MOCOS: variants seen among roughly 807,000 people sequenced by gnomAD.
The protein encoded by MOCOS is molybdenum cofactor sulfurase, also known as human molybdenum cofactor sulfurase.
A neutral mutation model predicts 83.6 loss-of-function variants in MOCOS; 86 were observed. The ratio of observed to expected loss-of-function variants is 1.03; its 90% confidence interval spans 0.86 to 1.23. The LOEUF (loss-of-function observed/expected upper bound fraction) is 1.23, where lower values mean the gene tolerates loss of function less well. MOCOS is among the 50% of genes most tolerant of loss of function. The pLI, the probability that MOCOS is intolerant of heterozygous loss-of-function variation, is 0.00. For missense variants in MOCOS, 1,120 were observed against 1,126.9 expected, an observed-to-expected ratio of 0.99 and a Z score of 0.09; for synonymous variants, 445 against 434.7, an observed-to-expected ratio of 1.02 and a Z score of -0.29.
Position 36,268,943 on chromosome 18 carries a change from A to T in MOCOS, c.*258A>T. 1 of 507,686 alleles carries T rather than the reference A, an allele frequency of 2.0e-6. No homozygotes were observed. The highest frequency in any genetic ancestry group is 3.5e-6 in the Non-Finnish European group (1 of 283,240). 31.4% of individuals were successfully genotyped at this position (507,686 alleles called of 1,614,324 possible). A position where few individuals can be genotyped will look rare whatever the true frequency, so the allele number is the denominator to read the frequency against. On this transcript the variant is annotated 3_prime_UTR_variant, in exon 15 of 15. Transcript: ENST00000261326. ...CCAGTGAGGCTCCTGTAGGTATTTG[A>T]AGTATAATCACTTGTAATCAGATGA...
intron 1 of MOCOS, among the ~76,000 whole-genome samples, chr18:36,191,358 C>A (rs974747505): frequency 1.3e-5 from 2 of 152,352 alleles, no homozygotes; most frequent in Admixed American, 1.3e-4. Context: ...CCTCTCACGC[C>A]AGCTGCAGCC....
intron 13 of MOCOS, among the ~76,000 whole-genome samples, chr18:36,266,395 C>T (rs776723941): frequency 2.0e-5 from 3 of 152,064 alleles, no homozygotes; most frequent in South Asian, 2.1e-4. Context: ...CTCTGCCTCC[C>T]GAAGTGTTGG....
At chr18:36,241,136 A>G (rs1000261481) in intron 9 of MOCOS, among the ~76,000 whole-genome samples, 3 of 152,054 alleles carry the variant, frequency 2.0e-5, no homozygotes, top group Non-Finnish European at 2.9e-5. Context: ...AGCTGTTCCT[A>G]TTCGGCCATC....
intron 1 of MOCOS, among the ~76,000 whole-genome samples, chr18:36,191,414 A>G (rs190403677): frequency 3.3e-5 from 5 of 152,302 alleles, no homozygotes; most frequent in African/African-American, 4.8e-5. Context: ...TGTCTTGTGT[A>G]TCTTTCCAGT....
At chr18:36,257,206 CTG>C (rs2091645057) in intron 12 of MOCOS, 133 bp downstream of exon 12, 2 of 792,274 alleles carry the variant, frequency 2.5e-6, no homozygotes, top group African/African-American at 3.4e-5. Flanking sequence ...AGATGAGAAA[CTG>C]AGGCCCTGAG....
intron 4 of MOCOS, among the ~76,000 whole-genome samples, chr18:36,202,008 C>CT (rs1349816320): frequency 2.0e-5 from 3 of 152,170 alleles, no homozygotes; most frequent in African/African-American, 7.2e-5. Context: ...CATGAATGGG[C>CT]TGGGGGGGAT....
Position 36,199,744 on chromosome 18 carries a change from A to G in MOCOS, c.361A>G (p.Thr121Ala). The G allele has an allele frequency of 6.2e-7, 1 of 1,614,134 alleles. No individual in the cohort carries two copies. The highest frequency in any genetic ancestry group is 8.5e-7 in the Non-Finnish European group (1 of 1,180,028). Residue 121 changes from threonine to alanine, a missense_variant, in exon 4 of 15, where the codon ACG becomes GCG. Coordinates refer to ENST00000261326, the MANE Select transcript of MOCOS (RefSeq NM_017947.4). Reference protein sequence around the residue: ...DYTVIFTAGSTAALKLVAEAF... With the variant: ...DYTVIFTAGSAAALKLVAEAF... The stretch of plus-strand genomic sequence containing the variant: ...CACTGTGATCTTCACTGCCGGGAGC[A>G]CGGCTGCTCTCAAACTGGTGGCAGA...
At chr18:36,229,416 T>C (rs571764908) in intron 9 of MOCOS, among the ~76,000 whole-genome samples, 3 of 152,312 alleles carry the variant, frequency 2.0e-5, no homozygotes, top group African/African-American at 7.2e-5. Context: ...ACAAGTCAGT[T>C]TTCCCTTGCC....
At chr18:36,236,589 G>T (rs1213915583) in intron 9 of MOCOS, among the ~76,000 whole-genome samples, 23 of 120,684 alleles carry the variant, frequency 1.9e-4, no homozygotes, top group African/African-American at 6.6e-4. Flanking sequence ...TTGTTCTTTT[G>T]GCTTAGGATT....
chr18:36,233,854 T>A (rs2091547855), intron 9 of MOCOS, among the ~76,000 whole-genome samples: 1 of 152,196 alleles, frequency 6.6e-6, no homozygotes, highest in African/African-American at 2.4e-5. Flanking sequence ...TTTCCATTCA[T>A]GTCCTTAGCC....
rs143026307 is a variant in MOCOS, at chr18:36,192,710, C to T, written c.143-2547C>T. Among the ~76,000 whole-genome samples, 10 of 152,278 alleles carry T rather than the reference C, an allele frequency of 6.6e-5. No individual in the cohort carries two copies. In the East Asian group the frequency reaches 1.9e-3, roughly 30 times the overall value. On this transcript the variant is annotated intron_variant, in intron 1 of 14. Transcript: ENST00000261326. ...TCACAAAGACTGGAGTACAGTGGTG[C>T]AATCTCAGCTCACTGCAATCTCCAC...
In MOCOS at chr18:36,215,510, T is replaced by C. The variant is rs754833811; in HGVS notation, c.1336-6T>C. On this transcript the variant is annotated splice_polypyrimidine_tract_variant and splice_region_variant and intron_variant, in intron 7 of 14. Coordinates refer to ENST00000261326, the MANE Select transcript of MOCOS (RefSeq NM_017947.4). The stretch of plus-strand genomic sequence containing the variant: ...CTCTGGCTGATGCACTTCCCTCTTA[T>C]CCTAGGCTGGTCATGTCTGTGGGGA... 9 of 1,613,242 alleles carry C rather than the reference T, an allele frequency of 5.6e-6. No homozygotes were observed. Among genetic ancestry groups the C allele is most frequent in the African/African-American group, 1.3e-5 (1 of 74,922 alleles).
At chr18:36,256,815 C>T (rs1190241473) in intron 11 of MOCOS, 153 bp from the exon 12 acceptor site, 4 of 721,298 alleles carry the variant, frequency 5.5e-6, no homozygotes, top group Non-Finnish European at 1.0e-5. Context: ...AGATATGCAC[C>T]ATGCTTAGGA....
At chr18:36,193,317 CAAAAAAAAAAAAAAAAAAAAAAAA>C (rs555145311) in intron 1 of MOCOS, among the ~76,000 whole-genome samples, 5 of 38,302 alleles carry the variant, frequency 1.3e-4, no homozygotes, top group African/African-American at 2.0e-4. Flanking sequence ...GACTCCGTCT[CAAAAAAAAAAAAAAAAAAAAAAAA>C]AAAAAAAAAA....
intron 1 of MOCOS, 87 bp from the exon 2 acceptor site, chr18:36,195,170 C>A: frequency 9.2e-7 from 1 of 1,090,372 alleles, no homozygotes; most frequent in Non-Finnish European, 1.4e-6. Context: ...CCTGATGTTA[C>A]GTCTGCATGC....
At chr18:36,240,874 C>T (rs113283315) in intron 9 of MOCOS, among the ~76,000 whole-genome samples, 2,447 of 152,284 alleles carry the variant, frequency 0.016, 59 homozygotes, top group African/African-American at 0.055. Context: ...GCGCAGTATT[C>T]GGGTGGGAAT....
intron 11 of MOCOS, 102 bp downstream of exon 11, chr18:36,251,385 T>TCACCTTTAGC: frequency 6.8e-7 from 1 of 1,477,154 alleles, no homozygotes; most frequent in Non-Finnish European, 9.4e-7. Context: ...CTTGCTGATG[T>TCACCTTTAGC]ATGGAAAGCA....
intron 6 of MOCOS, among the ~76,000 whole-genome samples, chr18:36,207,139 T>G (rs2091437845): frequency 6.6e-6 from 1 of 152,126 alleles, no homozygotes; most frequent in Admixed American, 6.5e-5. Flanking sequence ...TGGGTTCAAT[T>G]GATTCTCCTG....
chr18:36,191,750 GCACACACA>G lies in MOCOS; in HGVS notation c.143-3494_143-3487del, dbSNP rs5824000. On this transcript the variant is annotated intron_variant, in intron 1 of 14. Coordinates refer to ENST00000261326, the MANE Select transcript of MOCOS (RefSeq NM_017947.4). The stretch of plus-strand genomic sequence containing the variant: ...TGTCCAGTACACTTAAAATACGTGT[GCACACACA>G]CACACACACACATGTGAGCCATATG... Among the ~76,000 whole-genome samples the G allele has an allele frequency of 4.7e-4, 70 of 147,818 alleles. No individual in the cohort carries two copies. The South Asian group carries it at 0.014, about 29-fold the overall frequency.
Sources: allele counts gnomAD v4.1 joint callset (sites outside exome capture counted in the v4.1 genomes callset), GRCh38; gene constraint gnomAD v4.1.1; transcripts MANE v1.5; gene names NCBI Gene and HGNC (gene_info 2026-07-23, HGNC 2026-07-21).